Variants in EYA1 observed in about 807,000 individuals in gnomAD.
EYA1 encodes the protein EYA transcriptional coactivator and phosphatase 1.
In EYA1, 16 loss-of-function variants were observed where a neutral mutation model predicts 82.0. The ratio of observed to expected loss-of-function variants is 0.20; its 90% CI spans 0.13 to 0.30. The LOEUF (loss-of-function observed/expected upper bound fraction) is 0.30, where lower values mean the gene tolerates loss of function less well. Ranked by LOEUF, EYA1 falls within the 10% of genes least tolerant of loss-of-function variation. EYA1 has a pLI of 1.00. For synonymous variants in EYA1, 261 were observed against 264.4 expected, an observed-to-expected ratio of 0.99 and a Z score of 0.12; for missense variants, 633 against 730.7, an observed-to-expected ratio of 0.87 and a Z score of 1.54.
intron 9 of EYA1, among the ~76,000 whole-genome samples, chr8:71,290,334 T>C (rs1308896722): frequency 1.3e-5 from 2 of 152,204 alleles, no homozygotes; most frequent in Non-Finnish European, 2.9e-5. Context: ...CCAACTTAAA[T>C]ACGAGAAATT....
chr8:71,521,991 A>G (rs760921212), intron 2 of EYA1, among the ~76,000 whole-genome samples: 5 of 152,200 alleles, frequency 3.3e-5, no homozygotes, highest in Non-Finnish European at 7.4e-5. Flanking sequence ...ATCATGGATC[A>G]TATGTCATTT....
intron 2 of EYA1, among the ~76,000 whole-genome samples, chr8:71,406,054 G>A (rs183693136): frequency 1.8e-4 from 28 of 152,222 alleles, no homozygotes; most frequent in African/African-American, 6.5e-4. Context: ...AACAACCAGT[G>A]GCATATTCAT....
rs7001735 is a variant in EYA1, at chr8:71,360,241, A to G, written c.-55+1406T>C. On this transcript the variant is annotated intron_variant, in intron 1 of 17. Transcript: ENST00000340726. Reference sequence around the variant, plus strand: ...GAAAACAAAAATAAGTATTTAAACCACATGGATGCTACCAATAGCTTTAAA... The same window carrying G: ...GAAAACAAAAATAAGTATTTAAACCGCATGGATGCTACCAATAGCTTTAAA... Among the ~76,000 whole-genome samples the G allele has an allele frequency of 1.9e-3, 282 of 152,344 alleles. 1 individual carries two copies. The highest frequency in any genetic ancestry group is 3.4e-3 in the Non-Finnish European group (234 of 68,032).
intron 2 of EYA1, among the ~76,000 whole-genome samples, chr8:71,497,489 A>T (rs1811499948): frequency 6.6e-6 from 1 of 152,228 alleles, no homozygotes; most frequent in Non-Finnish European, 1.5e-5. Flanking sequence ...ATCACTAATC[A>T]TCAGGGAAAT....
chr8:71,358,069 G>C (rs550943977), intron 1 of EYA1, among the ~76,000 whole-genome samples: 34 of 151,836 alleles, frequency 2.2e-4, no homozygotes, highest in South Asian at 1.5e-3. Flanking sequence ...ATGTGAAAGA[G>C]TATTTAAAGC....
intron 12 of EYA1, among the ~76,000 whole-genome samples, chr8:71,239,378 GA>G (rs781780365): frequency 6.8e-4 from 103 of 152,198 alleles, no homozygotes; most frequent in Non-Finnish European, 1.3e-3. Flanking sequence ...TATGAAGAAG[GA>G]AACAAAAATC....
rs112391447 is a variant in EYA1 at position 71,300,265 on chromosome 8, G to A, written c.557-545C>T. Reference sequence around the variant, plus strand: ...AAGATGAAAGAAGAATATGATTAATGTTTTATCTGTTACATATGCTGTCAA... The same window carrying A: ...AAGATGAAAGAAGAATATGATTAATATTTTATCTGTTACATATGCTGTCAA... On this transcript the variant is annotated intron_variant, in intron 7 of 17. Transcript: ENST00000340726. 2.0e-3 allele frequency among the ~76,000 whole-genome samples: 307 copies of A among 152,242 alleles called. 2 individuals are homozygous for A. The highest frequency in any genetic ancestry group is 7.1e-3 in the African/African-American group (293 of 41,560).
At chr8:71,419,682 T>C (rs576434048) in intron 2 of EYA1, among the ~76,000 whole-genome samples, 4 of 152,286 alleles carry the variant, frequency 2.6e-5, no homozygotes, top group African/African-American at 9.6e-5. Context: ...CATAAAGTTT[T>C]TTAAATTAGC....
intron 7 of EYA1, among the ~76,000 whole-genome samples, chr8:71,303,186 C>T (rs893422434): frequency 2.1e-5 from 3 of 141,756 alleles, no homozygotes; most frequent in African/African-American, 7.5e-5. Flanking sequence ...AAAAGCCTCC[C>T]TGAATCCCCA....
At chr8:71,298,360 G>A (rs1819814975) in intron 9 of EYA1, among the ~76,000 whole-genome samples, 1 of 152,172 alleles carries the variant, frequency 6.6e-6, no homozygotes, top group African/African-American at 2.4e-5. Context: ...GAGGTGAGAA[G>A]TATGTGAAAG....
intron 3 of EYA1, among the ~76,000 whole-genome samples, chr8:71,346,586 G>A (rs960262655): frequency 6.6e-6 from 1 of 151,522 alleles, no homozygotes; most frequent in Non-Finnish European, 1.5e-5. Context: ...TCATTCAGTT[G>A]TTTCTTGGAC....
At chr8:71,477,482 G>A (rs908931934) in intron 2 of EYA1, among the ~76,000 whole-genome samples, 3 of 151,782 alleles carry the variant, frequency 2.0e-5, no homozygotes, top group Non-Finnish European at 4.4e-5. Flanking sequence ...TTAGTCACTA[G>A]GGAAATGAAA....
intron 2 of EYA1, among the ~76,000 whole-genome samples, chr8:71,412,416 TAAAATAAAATA>T: frequency 1.6e-5 from 2 of 121,362 alleles, no homozygotes; most frequent in Non-Finnish European, 3.8e-5. Flanking sequence ...AAAAATAAAA[TAAAATAAAATA>T]AAAAAAAGAA....
At chr8:71,217,976 A>G (rs1372371732) in intron 12 of EYA1, among the ~76,000 whole-genome samples, 2 of 152,164 alleles carry the variant, frequency 1.3e-5, no homozygotes, top group African/African-American at 4.8e-5. Flanking sequence ...TGTTGAATGA[A>G]TGAAGGCATA....
intron 2 of EYA1, among the ~76,000 whole-genome samples, chr8:71,454,911 A>C (rs1364708715): frequency 2.0e-5 from 3 of 152,340 alleles, no homozygotes; most frequent in African/African-American, 7.2e-5. Flanking sequence ...GCAAGAAATA[A>C]CTAAGATCAG....
At position 71,527,876 on chromosome 8, in the gene EYA1, A is replaced by C. The variant is rs569907264; in HGVS notation, c.33+7868T>G. 3.3e-5 allele frequency among the ~76,000 whole-genome samples: 5 copies of C among 152,124 alleles called. 1 individual carries two copies. Among genetic ancestry groups the C allele is most frequent in the Non-Finnish European group, 5.9e-5 (4 of 68,018 alleles). The stretch of plus-strand genomic sequence containing the variant: ...TATAATATTTCCTATCTGGTCCTTT[A>C]TAGAATAAATTAATTGTATTATTGC... On this transcript the variant is annotated intron_variant, in intron 2 of 18. Transcript: ENST00000643681.
At chr8:71,377,576 T>A (rs1489976634) in intron 2 of EYA1, among the ~76,000 whole-genome samples, 1 of 152,248 alleles carries the variant, frequency 6.6e-6, no homozygotes, top group Non-Finnish European at 1.5e-5. Flanking sequence ...ATTTTTATTG[T>A]GATAAAATGT....
rs1040001059 is a variant in EYA1 at position 71,469,375 on chromosome 8, C to T, written c.33+66369G>A. Among the ~76,000 whole-genome samples, 3 of 152,142 alleles carry T rather than the reference C, an allele frequency of 2.0e-5. No homozygotes were observed. The South Asian group carries it at 6.2e-4, about 31-fold the overall frequency. On this transcript the variant is annotated intron_variant, in intron 2 of 18. Transcript: ENST00000643681. The stretch of plus-strand genomic sequence containing the variant: ...AACTATGTGATTTGGAGATATACAA[C>T]TTCTTTATACTTCAGCTTCCTCCCT...
At chr8:71,310,987 A>T (rs569377326) in intron 7 of EYA1, among the ~76,000 whole-genome samples, 13 of 152,286 alleles carry the variant, frequency 8.5e-5, no homozygotes, top group Admixed American at 6.5e-4. Flanking sequence ...AACCAGTTAA[A>T]TAACAACTTA....
Sources: allele counts gnomAD v4.1 joint callset (sites outside exome capture counted in the v4.1 genomes callset), GRCh38; gene constraint gnomAD v4.1.1; transcripts MANE v1.5; gene names NCBI Gene and HGNC (gene_info 2026-07-23, HGNC 2026-07-21).